PGR: variants seen among roughly 807,000 people sequenced by gnomAD.
PGR encodes the protein nuclear receptor subfamily 3 group C member 3.
A neutral mutation model predicts 76.1 loss-of-function variants in PGR; 25 were observed. That is an observed-to-expected ratio of 0.33 (90% CI 0.24 to 0.46). The LOEUF (loss-of-function observed/expected upper bound fraction) is 0.46, where lower values mean the gene tolerates loss of function less well. Ranked by LOEUF, PGR falls within the 20% of genes least tolerant of loss-of-function variation. PGR has a pLI of 1.00. For missense variants in PGR, 1,172 were observed against 1,225.3 expected (o/e 0.96, Z 0.65); for synonymous variants, 579 against 535.0 (o/e 1.08, Z -1.14).
intron 3 of PGR, among the ~76,000 whole-genome samples, chr11:101,083,952 G>C (rs1591399236): frequency 6.6e-6 from 1 of 152,152 alleles, no homozygotes; most frequent in South Asian, 2.1e-4. Context: ...TAAGCTTTGG[G>C]AGGGGCCAGG....
intron 4 of PGR, among the ~76,000 whole-genome samples, chr11:101,054,746 A>C (rs1860229196): frequency 6.6e-6 from 1 of 152,176 alleles, no homozygotes; most frequent in Non-Finnish European, 1.5e-5. Flanking sequence ...CATAAGTAAA[A>C]ATCACAATTC....
At position 101,037,185 on chromosome 11, in the gene PGR, A is replaced by G. The variant is rs1859541902; in HGVS notation, c.*1931T>C. ...TGAATTACTGACACATAAAGGTGTT[A>G]TTTAATATTTAAAGTTAGTACCTTT... On this transcript the variant is annotated 3_prime_UTR_variant, in exon 8 of 8. Transcript: ENST00000325455. The G allele has an allele frequency of 4.8e-6, 1 of 209,184 alleles. No individual in the cohort carries two copies. Among genetic ancestry groups the G allele is most frequent in the Non-Finnish European group, 9.7e-6 (1 of 102,844 alleles). 13.0% of individuals were successfully genotyped at this position (209,184 alleles called of 1,614,324 possible).
At chr11:101,049,080 C>A (rs1859995903) in intron 6 of PGR, among the ~76,000 whole-genome samples, 1 of 152,108 alleles carries the variant, frequency 6.6e-6, no homozygotes, top group East Asian at 1.9e-4. Flanking sequence ...TAAACTTTAT[C>A]TATTTTTAAA....
intron 3 of PGR, among the ~76,000 whole-genome samples, chr11:101,066,158 A>T (rs968726164): frequency 1.3e-5 from 2 of 152,018 alleles, no homozygotes; most frequent in Non-Finnish European, 2.9e-5. Flanking sequence ...CTCTCCTCCA[A>T]TTCTCCCTTG....
At chr11:101,053,414 T>C (rs557690391) in intron 4 of PGR, among the ~76,000 whole-genome samples, 1 of 152,258 alleles carries the variant, frequency 6.6e-6, no homozygotes, top group African/African-American at 2.4e-5. Context: ...CTCAAATGCA[T>C]ATTCATAATT....
chr11:101,053,318 C>A (rs571091135), intron 4 of PGR, among the ~76,000 whole-genome samples: 148 of 152,234 alleles, frequency 9.7e-4, no homozygotes, highest in Middle Eastern at 3.4e-3. Context: ...TCTCTTCATA[C>A]ACTTCAGATC....
intron 3 of PGR, among the ~76,000 whole-genome samples, chr11:101,084,527 A>G (rs2135445236): frequency 6.6e-6 from 1 of 152,202 alleles, no homozygotes; most frequent in Non-Finnish European, 1.5e-5. Flanking sequence ...CCGTGGTGGC[A>G]GGTGCATATA....
intron 2 of PGR, among the ~76,000 whole-genome samples, chr11:101,109,821 T>C (rs1246737533): frequency 6.6e-6 from 1 of 152,204 alleles, no homozygotes; most frequent in Non-Finnish European, 1.5e-5. Context: ...CAGAGCTAGA[T>C]AGGAGAAGTC....
At position 101,127,552 on chromosome 11, in the gene PGR, C is replaced by A. The variant is rs1478074070; in HGVS notation, c.1519G>T (p.Ala507Ser). Residue 507 changes from alanine (A) to serine (S), a missense_variant, in exon 1 of 8, where the codon GCG (alanine) becomes TCG (serine). Physicochemically the swap from Ala to Ser is moderately conservative, Grantham distance 99 (BLOSUM62 1). Transcript: ENST00000325455. ...AGTGCAGGGTAGAGCGCGGGGGCCG[C>A]CCCGGCGGCGGCGGCAGAGGCGGAG... ...STSASAAAAG[A>S]APALYPALGL... is the part of the protein sequence containing the mutation. 3 of 1,395,248 alleles carry A rather than the reference C, an allele frequency of 2.2e-6. No homozygotes were observed. The highest frequency in any genetic ancestry group is 1.6e-5 in the South Asian group (1 of 60,944). 86.4% of individuals were successfully genotyped at this position (1,395,248 alleles called of 1,614,324 possible).
Position 101,128,279 on chromosome 11 carries a change from G to T in PGR, c.792C>A (p.Gly264=), listed in dbSNP as rs752016304. The change falls in exon 1 of 8, where the codon GGC becomes GGA. Residue 264 remains glycine, a synonymous_variant. Coordinates refer to ENST00000325455, the MANE Select transcript of PGR (RefSeq NM_000926.4). The stretch of plus-strand genomic sequence containing the variant: ...AATCTTCCTTGGGGACCAGGGCGAC[G>T]CCTCCTGCTGCCGCCCCCGGCGGGA... ...AAVPPGAAAG[G]VALVPKEDSR... is the part of the protein sequence containing the mutation. The T allele has an allele frequency of 1.3e-6, 2 of 1,590,368 alleles. No individual in the cohort carries two copies. Among genetic ancestry groups the T allele is most frequent in the Non-Finnish European group, 1.7e-6 (2 of 1,174,714 alleles).
At position 101,035,147 on chromosome 11, in the gene PGR, A is replaced by G. The variant is rs1859466260; in HGVS notation, c.*3969T>C. 4.7e-6 allele frequency: 1 copy of G among 212,052 alleles called. No individual in the cohort carries two copies. Among genetic ancestry groups the G allele is most frequent in the Admixed American group, 5.9e-5 (1 of 17,042 alleles). The allele number at this position is 212,052 out of a possible 1,614,324, so 13.1% of individuals were successfully genotyped here. On this transcript the variant is annotated 3_prime_UTR_variant, in exon 8 of 8. Transcript: ENST00000325455. The stretch of plus-strand genomic sequence containing the variant: ...ACTTTGGGAAAAACAAACTTATGCC[A>G]TTACTTGTCTCCTTGTCCACTTCAC...
chr11:101,122,020 T>TG (rs1862693729), intron 2 of PGR, among the ~76,000 whole-genome samples: 1 of 151,450 alleles, frequency 6.6e-6, no homozygotes, highest in Non-Finnish European at 1.5e-5. Flanking sequence ...CCAGGCGTGG[T>TG]GGGGGGCACC....
chr11:101,103,010 T>C (rs1162709237), intron 2 of PGR, among the ~76,000 whole-genome samples: 5 of 151,868 alleles, frequency 3.3e-5, no homozygotes, highest in Non-Finnish European at 7.4e-5. Context: ...GAGAATCTAA[T>C]GCCACCACTG....
At chr11:101,046,177 G>A (rs1364196601) in intron 6 of PGR, among the ~76,000 whole-genome samples, 2 of 150,902 alleles carry the variant, frequency 1.3e-5, no homozygotes, top group Non-Finnish European at 3.0e-5. Context: ...CCAGGCAGGA[G>A]TACAGTGGCA....
At chr11:101,108,307 C>G (rs913055580) in intron 2 of PGR, among the ~76,000 whole-genome samples, 2 of 150,272 alleles carry the variant, frequency 1.3e-5, no homozygotes, top group South Asian at 4.2e-4. Flanking sequence ...AACTCCAGCA[C>G]TTTGGGAGGA....
At chr11:101,059,255 T>C (rs1860398289) in intron 4 of PGR, among the ~76,000 whole-genome samples, 1 of 152,132 alleles carries the variant, frequency 6.6e-6, no homozygotes, top group African/African-American at 2.4e-5. Context: ...AATGTTCTTC[T>C]GTCCCCACTT....
At chr11:101,082,305 T>A (rs1861339599) in intron 3 of PGR, among the ~76,000 whole-genome samples, 1 of 152,220 alleles carries the variant, frequency 6.6e-6, no homozygotes, top group African/African-American at 2.4e-5. Context: ...TAGTTCTTTA[T>A]AACAGTATGA....
chr11:101,107,474 C>G (rs1304861535), intron 2 of PGR, among the ~76,000 whole-genome samples: 2 of 152,092 alleles, frequency 1.3e-5, no homozygotes, highest in African/African-American at 2.4e-5. Flanking sequence ...GTTAGCTAAA[C>G]AGTAAGCATT....
intron 2 of PGR, among the ~76,000 whole-genome samples, chr11:101,097,623 G>T (rs1861873792): frequency 6.6e-6 from 1 of 151,970 alleles, no homozygotes; most frequent in African/African-American, 2.4e-5. Context: ...GTCACTTATT[G>T]TCATATATAG....
Sources: allele counts gnomAD v4.1 joint callset (sites outside exome capture counted in the v4.1 genomes callset), GRCh38; gene constraint gnomAD v4.1.1; transcripts MANE v1.5; gene names NCBI Gene and HGNC (gene_info 2026-07-23, HGNC 2026-07-21).